The following GPR139 variants were observed in gnomAD, a reference collection of about 807,000 sequenced individuals.
GPR139 encodes G protein-coupled receptor 139, also known as probable G protein-coupled receptor 139.
GPR139 carries 12 observed loss-of-function variants against 25.8 expected under a neutral mutation model. The ratio of observed to expected loss-of-function variants is 0.47; its 90% CI spans 0.30 to 0.75. GPR139 has a LOEUF of 0.75. Among genes scored for constraint, GPR139 ranks in the 30% least tolerant of loss-of-function variants. The pLI, the probability that GPR139 is intolerant of heterozygous loss-of-function variation, is 0.07. For synonymous variants in GPR139, 184 were observed against 179.9 expected, an observed-to-expected ratio of 1.02 and a Z score of -0.18; for missense variants, 380 against 450.2, an observed-to-expected ratio of 0.84 and a Z score of 1.41.
At position 20,073,339 on chromosome 16, in the gene GPR139, C is replaced by T; in HGVS notation, c.127+151G>A. 2 of 1,185,470 alleles carry T rather than the reference C, an allele frequency of 1.7e-6. No homozygotes were observed. Among genetic ancestry groups the T allele is most frequent in the African/African-American group, 1.5e-5 (1 of 65,556 alleles). 73.4% of individuals were successfully genotyped at this position (1,185,470 alleles called of 1,614,324 possible). A position where few individuals can be genotyped will look rare whatever the true frequency, so the allele number is the denominator to read the frequency against. On this transcript the variant is annotated intron_variant, in intron 1 of 1. Coordinates refer to ENST00000570682, the MANE Select transcript of GPR139 (RefSeq NM_001002911.4). This position sits in a 1 kb window ranked among gnomAD's most constrained non-coding sequence, Gnocchi z 4.7. ...GCTAGGGCACAGCAACTTCCTTTCCCCCCGTGTGGAAATATCCATAGTTGC... is the reference window on the plus strand; with the variant it reads ...GCTAGGGCACAGCAACTTCCTTTCCTCCCGTGTGGAAATATCCATAGTTGC...
chr16:20,034,418 G>T (rs887430897), intron 1 of GPR139, among the ~76,000 whole-genome samples: 2 of 152,126 alleles, frequency 1.3e-5, no homozygotes, highest in African/African-American at 4.8e-5. Flanking sequence ...AGATACAGTT[G>T]AAGTCTCCTC....
chr16:20,029,821 A>G lies in GPR139; in HGVS notation c.*1914T>C, dbSNP rs1416696418. 6.6e-6 allele frequency among the ~76,000 whole-genome samples: 1 copy of G among 152,126 alleles called. No homozygotes were observed. Among genetic ancestry groups the G allele is most frequent in the East Asian group, 1.9e-4 (1 of 5,190 alleles). On this transcript the variant is annotated 3_prime_UTR_variant, in exon 2 of 2. Transcript: ENST00000570682. ...TTAGAATCACACAATATGGTCCCTA[A>G]ATGAGAGCCAATTCTGTCTTGTCAT... is the stretch of plus-strand genomic sequence containing the variant.
chr16:20,046,637 T>G (rs2057355273), intron 1 of GPR139, among the ~76,000 whole-genome samples: 1 of 152,142 alleles, frequency 6.6e-6, no homozygotes, highest in Admixed American at 6.5e-5. Flanking sequence ...GAAGCAGCAA[T>G]GAGTTCTGGG....
intron 1 of GPR139, among the ~76,000 whole-genome samples, chr16:20,070,532 A>G (rs1210945122): frequency 1.3e-5 from 2 of 152,194 alleles, no homozygotes; most frequent in Non-Finnish European, 2.9e-5. Context: ...TAAAAATTAG[A>G]CTGTCTGGGG....
intron 1 of GPR139, among the ~76,000 whole-genome samples, chr16:20,067,432 G>A (rs180735547): frequency 5.9e-5 from 9 of 152,344 alleles, no homozygotes; most frequent in Non-Finnish European, 1.5e-5. Flanking sequence ...TATAACAGGA[G>A]TCCTATGGTC....
At chr16:20,066,646 C>T (rs896651983) in intron 1 of GPR139, among the ~76,000 whole-genome samples, 3 of 152,154 alleles carry the variant, frequency 2.0e-5, no homozygotes, top group African/African-American at 4.8e-5. Context: ...TACTATTTGC[C>T]GAGCTCCTAC....
chr16:20,053,290 A>G (rs1364727964), intron 1 of GPR139, among the ~76,000 whole-genome samples: 4 of 152,110 alleles, frequency 2.6e-5, no homozygotes, highest in African/African-American at 7.2e-5. Flanking sequence ...CTGCTGGTCT[A>G]CCCCTGACAT....
At chr16:20,065,762 G>T (rs988616082) in intron 1 of GPR139, among the ~76,000 whole-genome samples, 1 of 151,792 alleles carries the variant, frequency 6.6e-6, no homozygotes, top group African/African-American at 2.4e-5. Context: ...AATTCCAGCT[G>T]CCCGGGAGGC....
At position 20,061,594 on chromosome 16, in the gene GPR139, T is replaced by C. The variant is rs142414400; in HGVS notation, c.127+11896A>G. 2.6e-3 allele frequency among the ~76,000 whole-genome samples: 398 copies of C among 152,366 alleles called. 3 individuals are homozygous for C. The highest frequency in any genetic ancestry group is 0.02 in the Middle Eastern group (6 of 294). On this transcript the variant is annotated intron_variant, in intron 1 of 1. Transcript: ENST00000570682. ...CACATTTGAGGTTAAAATTCCTAGC[T>C]TCCTCTCAATGCAGTCCAGCAGGTC...
At chr16:20,044,113 GA>G (rs2057345993) in intron 1 of GPR139, among the ~76,000 whole-genome samples, 1 of 152,192 alleles carries the variant, frequency 6.6e-6, no homozygotes, top group Admixed American at 6.5e-5. Context: ...CTGGCCTGAA[GA>G]AACCACTCAA....
chr16:20,029,681 C>T lies in GPR139; in HGVS notation c.*2054G>A, dbSNP rs1033262800. Among the ~76,000 whole-genome samples, 4 of 152,004 alleles carry T rather than the reference C, an allele frequency of 2.6e-5. No homozygotes were observed. The highest frequency in any genetic ancestry group is 4.8e-5 in the African/African-American group (2 of 41,388). The stretch of plus-strand genomic sequence containing the variant: ...CTTACCATTCCACTCAATGAGCATA[C>T]GCCCTGGGGAGCGTGGGAGATGGGA... On this transcript the variant is annotated 3_prime_UTR_variant, in exon 2 of 2. Coordinates refer to ENST00000570682, the MANE Select transcript of GPR139 (RefSeq NM_001002911.4).
chr16:20,064,086 A>G (rs1239831199), intron 1 of GPR139, among the ~76,000 whole-genome samples: 1 of 152,206 alleles, frequency 6.6e-6, no homozygotes, highest in African/African-American at 2.4e-5. Flanking sequence ...ATCATGAGAA[A>G]AGATTAAGCA....
At chr16:20,069,661 C>T (rs1368341174) in intron 1 of GPR139, among the ~76,000 whole-genome samples, 1 of 152,182 alleles carries the variant, frequency 6.6e-6, no homozygotes, top group African/African-American at 2.4e-5. Flanking sequence ...CATCTCTTTC[C>T]TCACCTTGTC....
At chr16:20,061,592 G>T (rs1391389472) in intron 1 of GPR139, among the ~76,000 whole-genome samples, 1 of 152,226 alleles carries the variant, frequency 6.6e-6, no homozygotes, top group Non-Finnish European at 1.5e-5. Flanking sequence ...AAAATTCCTA[G>T]CTTCCTCTCA....
At position 20,031,711 on chromosome 16, in the gene GPR139, G is replaced by T; in HGVS notation, c.*24C>A. The T allele has an allele frequency of 6.4e-7, 1 of 1,566,168 alleles. No individual in the cohort carries two copies. Among genetic ancestry groups the T allele is most frequent in the African/African-American group, 1.4e-5 (1 of 74,056 alleles). ...CCATCTGGAAATGGATTAGACAGAG[G>T]CAGTAGTTGCCACACCTATGGAATC... On this transcript the variant is annotated 3_prime_UTR_variant, in exon 2 of 2. Coordinates refer to ENST00000570682, the MANE Select transcript of GPR139 (RefSeq NM_001002911.4).
chr16:20,072,308 G>C (rs555157007), intron 1 of GPR139, among the ~76,000 whole-genome samples: 1 of 152,118 alleles, frequency 6.6e-6, no homozygotes, highest in Non-Finnish European at 1.5e-5. Flanking sequence ...TCTCATCAGG[G>C]GCCCTGACTG....
intron 1 of GPR139, among the ~76,000 whole-genome samples, chr16:20,035,600 G>A (rs2057307218): frequency 6.6e-6 from 1 of 152,206 alleles, no homozygotes; most frequent in South Asian, 2.1e-4. Context: ...AAGAGCCACG[G>A]AAGAAAATGC....
At chr16:20,043,999 T>C (rs1007120503) in intron 1 of GPR139, among the ~76,000 whole-genome samples, 1 of 152,154 alleles carries the variant, frequency 6.6e-6, no homozygotes. Flanking sequence ...CATAATGAGA[T>C]TTGGATTCCT....
At chr16:20,061,410 G>A (rs552609541) in intron 1 of GPR139, among the ~76,000 whole-genome samples, 2 of 152,160 alleles carry the variant, frequency 1.3e-5, no homozygotes, top group East Asian at 3.9e-4. Flanking sequence ...TAGATGAATG[G>A]ATGGGGGGAT....
Sources: gnomAD v4.1 joint callset for allele counts (sites outside exome capture counted in the v4.1 genomes callset) on GRCh38, gnomAD v4.1.1 for gene constraint, Gnocchi (gnomAD v3.1) non-coding constraint, MANE v1.5 for transcripts, NCBI Gene and HGNC (gene_info 2026-07-23, HGNC 2026-07-21) for gene names.